Variants in SUN3 observed in about 807,000 individuals in gnomAD.
SUN3 encodes Sad1 and UNC84 domain containing 3.
SUN3 carries 36 observed loss-of-function variants against 48.2 expected under a neutral mutation model. The ratio of observed to expected loss-of-function variants is 0.75; its 90% CI spans 0.57 to 0.99. The LOEUF is 0.99. Ranked by LOEUF, SUN3 falls within the 50% of genes least tolerant of loss-of-function variation. SUN3 has a pLI of 0.00. For synonymous variants in SUN3, 148 were observed against 147.9 expected, an observed-to-expected ratio of 1.00 and a Z score of 0.00; for missense variants, 419 against 433.1, an observed-to-expected ratio of 0.97 and a Z score of 0.29.
chr7:47,993,639 G>A lies in SUN3; in HGVS notation c.861+676C>T, dbSNP rs146918710. On this transcript the variant is annotated intron_variant, in intron 8 of 9. Coordinates refer to ENST00000297325, the MANE Select transcript of SUN3 (RefSeq NM_001030019.2). ...TTTATTGAGACAAAGTAGACCAGTG[G>A]TTGCCAGGGGCTGGAGGAGTACACT... 2.7e-3 allele frequency among the ~76,000 whole-genome samples: 409 copies of A among 152,268 alleles called. 2 individuals carry two copies. Among genetic ancestry groups the A allele is most frequent in the Admixed American group, 6.3e-3 (96 of 15,294 alleles).
At position 48,007,152 on chromosome 7, in the gene SUN3, C is replaced by A; in HGVS notation, c.492+13G>T. Reference sequence around the variant, plus strand: ...ACCCCACCCTGCCCAACCCGCCTAGCCTCATCCAGGACCTCTGTGTGGTCC... The same window carrying A: ...ACCCCACCCTGCCCAACCCGCCTAGACTCATCCAGGACCTCTGTGTGGTCC... On this transcript the variant is annotated intron_variant, in intron 5 of 9. Transcript: ENST00000297325. 6.2e-7 allele frequency: 1 copy of A among 1,610,466 alleles called. No homozygotes were observed.
At chr7:48,004,886 T>C (rs537572020) in intron 6 of SUN3, among the ~76,000 whole-genome samples, 1 of 152,352 alleles carries the variant, frequency 6.6e-6, no homozygotes, top group South Asian at 2.1e-4. Context: ...ACTCACGTAG[T>C]TGCTTTTTGA....
At chr7:47,989,426 A>G (rs1381466114) in intron 8 of SUN3, among the ~76,000 whole-genome samples, 3 of 152,148 alleles carry the variant, frequency 2.0e-5, no homozygotes, top group African/African-American at 4.8e-5. Flanking sequence ...TTTGTATGCA[A>G]TTTCTCTTGT....
At chr7:48,023,528 T>G (rs1790057667) in intron 2 of SUN3, among the ~76,000 whole-genome samples, 1 of 151,844 alleles carries the variant, frequency 6.6e-6, no homozygotes, top group African/African-American at 2.4e-5. Context: ...ACAAAAAAGG[T>G]ATAAGATATA....
At chr7:48,005,940 G>A (rs1176076194) in intron 6 of SUN3, 29 bp downstream of exon 6, 1 of 1,404,428 alleles carries the variant, frequency 7.1e-7, no homozygotes, top group African/African-American at 1.5e-5. Flanking sequence ...TTTTTTTAAT[G>A]TTCCTCTTTT....
At chr7:48,001,523 T>G (rs997739599) in intron 6 of SUN3, among the ~76,000 whole-genome samples, 2 of 91,444 alleles carry the variant, frequency 2.2e-5, no homozygotes, top group Non-Finnish European at 2.5e-5. Flanking sequence ...GTCTTTTCTG[T>G]TTTTTTTGTT....
chr7:48,031,343 C>A (rs1418572437), upstream of SUN3, among the ~76,000 whole-genome samples: 1 of 152,178 alleles, frequency 6.6e-6, no homozygotes, highest in African/African-American at 2.4e-5. Context: ...TATCACCTCA[C>A]AGCTGTTAGG....
chr7:48,029,138 C>T, upstream of SUN3: 1 of 695,702 alleles, frequency 1.4e-6, no homozygotes, highest in Non-Finnish European at 2.2e-6. Flanking sequence ...CTCCGTGACA[C>T]CTCATAATGC....
intron 6 of SUN3, among the ~76,000 whole-genome samples, chr7:48,002,726 TA>T (rs1237018297): frequency 6.6e-6 from 1 of 152,214 alleles, no homozygotes; most frequent in Non-Finnish European, 1.5e-5. Flanking sequence ...AGCAGCTCTT[TA>T]GTTTAATTAG....
chr7:48,029,251 C>A (rs189442690), upstream of SUN3: 2 of 247,092 alleles, frequency 8.1e-6, no homozygotes, highest in African/African-American at 4.6e-5. Flanking sequence ...TACAAAGGCC[C>A]CCCCATGTAC....
At chr7:48,009,288 T>C (rs1789617559) in intron 3 of SUN3, among the ~76,000 whole-genome samples, 1 of 152,118 alleles carries the variant, frequency 6.6e-6, no homozygotes, top group Admixed American at 6.5e-5. Context: ...GTAATGCAAA[T>C]CTATTTAATG....
intron 1 of SUN3, among the ~76,000 whole-genome samples, chr7:48,027,804 C>G (rs1284786940): frequency 6.6e-6 from 1 of 152,168 alleles, no homozygotes; most frequent in Non-Finnish European, 1.5e-5. Flanking sequence ...GAAGTGTATT[C>G]TGGAACCTCT....
chr7:48,007,978 C>T (rs762035630), intron 4 of SUN3, among the ~76,000 whole-genome samples: 2 of 152,188 alleles, frequency 1.3e-5, no homozygotes, highest in South Asian at 2.1e-4. Context: ...CACATGCCAC[C>T]GCGCTCGGCT....
chr7:48,010,611 C>T (rs762347242), intron 3 of SUN3, among the ~76,000 whole-genome samples: 4 of 152,238 alleles, frequency 2.6e-5, no homozygotes, highest in South Asian at 2.1e-4. Context: ...GGAGGATTCC[C>T]GCAGCAGTCT....
At position 47,987,280 on chromosome 7, in the gene SUN3, G is replaced by A; in HGVS notation, c.*50C>T. The stretch of plus-strand genomic sequence containing the variant: ...GGTGCGGTATCATCTAAGAGAATAA[G>A]CATTCTTGAATATTCTGGACATGTG... On this transcript the variant is annotated 3_prime_UTR_variant, in exon 10 of 10. Coordinates refer to ENST00000297325, the MANE Select transcript of SUN3 (RefSeq NM_001030019.2). 4 of 1,574,972 alleles carry A rather than the reference G, an allele frequency of 2.5e-6. No homozygotes were observed. Among genetic ancestry groups the A allele is most frequent in the Non-Finnish European group, 3.4e-6 (4 of 1,161,274 alleles).
intron 2 of SUN3, among the ~76,000 whole-genome samples, chr7:48,024,952 C>A (rs893872209): frequency 6.6e-6 from 1 of 152,092 alleles, no homozygotes. Context: ...GGACAGATAT[C>A]CAAACTATAG....
chr7:47,987,511 G>A (rs1788933994), intron 9 of SUN3, 62 bp from the exon 10 acceptor site: 11 of 1,389,410 alleles, frequency 7.9e-6, no homozygotes, highest in Non-Finnish European at 6.7e-6. Context: ...GAATCCCAAT[G>A]AATACTGATA....
chr7:47,995,827 ATAAT>A (rs1455189705), intron 7 of SUN3, among the ~76,000 whole-genome samples, 200 bp downstream of exon 7: 4 of 152,232 alleles, frequency 2.6e-5, no homozygotes, highest in Non-Finnish European at 4.4e-5. Flanking sequence ...AAATAAGTAA[ATAAT>A]TAATCATAGT....
At chr7:48,035,590 G>A in the SUN3 span, 47 of 695,072 alleles carry the variant, frequency 6.8e-5, no homozygotes, top group Middle Eastern at 2.2e-3. The surrounding 1 kb of genome is among the most constrained non-coding windows in gnomAD (Gnocchi z 4.0). Flanking sequence ...CTCCAACGCC[G>A]GGCGCCGCGG....
Sources: gnomAD v4.1 joint callset for allele counts (sites outside exome capture counted in the v4.1 genomes callset) on GRCh38, gnomAD v4.1.1 for gene constraint, Gnocchi (gnomAD v3.1) non-coding constraint, MANE v1.5 for transcripts, NCBI Gene and HGNC (gene_info 2026-07-23, HGNC 2026-07-21) for gene names.